The following PPP2R2B variants were observed in gnomAD, a reference collection of about 807,000 sequenced individuals.
The protein encoded by PPP2R2B is serine/threonine-protein phosphatase 2A 55 kDa regulatory subunit B beta isoform.
In PPP2R2B, 5 loss-of-function variants were observed where a neutral mutation model predicts 46.0. That is an observed-to-expected ratio of 0.11 (90% CI 0.06 to 0.23). PPP2R2B has a LOEUF of 0.23. Ranked by LOEUF, PPP2R2B falls within the 10% of genes least tolerant of loss-of-function variation. The pLI is 1.00. For missense variants in PPP2R2B, 367 were observed against 575.0 expected, an observed-to-expected ratio of 0.64 and a Z score of 3.70; for synonymous variants, 215 against 206.7, an observed-to-expected ratio of 1.04 and a Z score of -0.34.
At chr5:147,027,915 G>A (rs1403951740) in intron 1 of PPP2R2B, among the ~76,000 whole-genome samples, 1 of 152,170 alleles carries the variant, frequency 6.6e-6, no homozygotes, top group Non-Finnish European at 1.5e-5. Flanking sequence ...TGAGAGATAA[G>A]AGAAGTCCGT....
At chr5:146,981,636 A>G (rs1486620810) in intron 1 of PPP2R2B, among the ~76,000 whole-genome samples, 5 of 152,206 alleles carry the variant, frequency 3.3e-5, no homozygotes, top group Non-Finnish European at 7.3e-5. Flanking sequence ...TTGCAAAACT[A>G]TAATATACTA....
intron 2 of PPP2R2B, among the ~76,000 whole-genome samples, chr5:146,702,043 A>C (rs1183927378): frequency 1.4e-5 from 2 of 141,372 alleles, no homozygotes; most frequent in African/African-American, 5.5e-5. Flanking sequence ...TGCTACCAAG[A>C]GTGCAAATGA....
chr5:146,596,038 A>C (rs1020136865), intron 8 of PPP2R2B, among the ~76,000 whole-genome samples: 1 of 152,190 alleles, frequency 6.6e-6, no homozygotes, highest in Non-Finnish European at 1.5e-5. Flanking sequence ...CCGGATAGTA[A>C]ATATTTTAAG....
At chr5:146,848,476 T>G (rs2151379578) in intron 2 of PPP2R2B, among the ~76,000 whole-genome samples, 1 of 152,292 alleles carries the variant, frequency 6.6e-6, no homozygotes, top group South Asian at 2.1e-4. Context: ...CCTTTGATGA[T>G]CTTGACAGTT....
intron 2 of PPP2R2B, among the ~76,000 whole-genome samples, chr5:146,803,574 A>G (rs921436705): frequency 6.6e-6 from 1 of 152,196 alleles, no homozygotes; most frequent in Middle Eastern, 3.2e-3. Context: ...TATTCTAGCT[A>G]AGTCATGCAG....
At chr5:146,639,707 C>T (rs968718283) in intron 6 of PPP2R2B, among the ~76,000 whole-genome samples, 2 of 152,318 alleles carry the variant, frequency 1.3e-5, no homozygotes, top group South Asian at 4.1e-4. Context: ...ATCTGTGCAT[C>T]ATCAGATAGT....
At chr5:146,849,008 C>T (rs1189154871) in intron 2 of PPP2R2B, among the ~76,000 whole-genome samples, 1 of 152,154 alleles carries the variant, frequency 6.6e-6, no homozygotes, top group Non-Finnish European at 1.5e-5. Context: ...GTCCTTTTGA[C>T]ATACCTCCAT....
chr5:146,693,390 T>C (rs940648849), intron 4 of PPP2R2B, among the ~76,000 whole-genome samples: 1 of 152,076 alleles, frequency 6.6e-6, no homozygotes, highest in African/African-American at 2.4e-5. Context: ...AATTTTTCTA[T>C]TTTTTATAGA....
chr5:146,912,650 G>A (rs879266344), intron 1 of PPP2R2B, among the ~76,000 whole-genome samples: 33 of 151,792 alleles, frequency 2.2e-4, no homozygotes, highest in African/African-American at 3.4e-4. Flanking sequence ...GATTACAGGC[G>A]TGTGCCACCA....
At chr5:146,712,966 T>C (rs1780291800) in intron 2 of PPP2R2B, among the ~76,000 whole-genome samples, 1 of 152,216 alleles carries the variant, frequency 6.6e-6, no homozygotes, top group Admixed American at 6.5e-5. Context: ...CAATTAAAAA[T>C]AGATAAGATA....
chr5:146,649,414 ATTT>A (rs11372355), intron 6 of PPP2R2B, among the ~76,000 whole-genome samples: 2 of 145,324 alleles, frequency 1.4e-5, no homozygotes, highest in African/African-American at 5.0e-5. Flanking sequence ...GCTATTCAGC[ATTT>A]TTTTTTTTTA....
At chr5:146,869,611 A>G (rs1451002756) in intron 2 of PPP2R2B, among the ~76,000 whole-genome samples, 1 of 152,234 alleles carries the variant, frequency 6.6e-6, no homozygotes, top group Non-Finnish European at 1.5e-5. Context: ...AAATGTATGA[A>G]TAGAAAGATG....
At chr5:146,797,479 G>A (rs894546293) in intron 2 of PPP2R2B, among the ~76,000 whole-genome samples, 2 of 152,158 alleles carry the variant, frequency 1.3e-5, no homozygotes, top group South Asian at 2.1e-4. Flanking sequence ...TTAGCAGGAG[G>A]ATGATAACAC....
At chr5:147,062,000 AT>A (rs11302010) in intron 2 of PPP2R2B, among the ~76,000 whole-genome samples, 6,012 of 152,232 alleles carry the variant, frequency 0.039, 181 homozygotes, top group African/African-American at 0.081. Flanking sequence ...TGGAAACATG[AT>A]TTGATTTTAA....
chr5:146,694,412 A>T (rs1353857087), intron 4 of PPP2R2B, among the ~76,000 whole-genome samples: 2 of 152,064 alleles, frequency 1.3e-5, no homozygotes, highest in African/African-American at 2.4e-5. Context: ...TTAATACCAA[A>T]TTTTTTTTGT....
chr5:146,790,789 A>G (rs1394662933), intron 2 of PPP2R2B, among the ~76,000 whole-genome samples: 1 of 152,216 alleles, frequency 6.6e-6, no homozygotes, highest in South Asian at 2.1e-4. Context: ...GAAGCATTAT[A>G]TTATGATTGT....
At chr5:146,651,357 A>G (rs996019603) in intron 5 of PPP2R2B, among the ~76,000 whole-genome samples, 3 of 152,234 alleles carry the variant, frequency 2.0e-5, no homozygotes, top group African/African-American at 7.2e-5. Context: ...CCACTTTTAC[A>G]TGCAAAACTG....
At chr5:147,009,054 T>A (rs371380146) in intron 1 of PPP2R2B, among the ~76,000 whole-genome samples, 1 of 152,176 alleles carries the variant, frequency 6.6e-6, no homozygotes, top group Non-Finnish European at 1.5e-5. Flanking sequence ...CATTGCTGCA[T>A]TACTTTTAGA....
intron 1 of PPP2R2B, among the ~76,000 whole-genome samples, chr5:147,031,437 T>G (rs899240005): frequency 3.3e-5 from 5 of 151,700 alleles, no homozygotes; most frequent in African/African-American, 1.2e-4. Flanking sequence ...AAGATTTTGG[T>G]TTTCTTTTTA....
Sources: gnomAD v4.1 joint callset for allele counts (sites outside exome capture counted in the v4.1 genomes callset) on GRCh38, gnomAD v4.1.1 for gene constraint, MANE v1.5 for transcripts, NCBI Gene and HGNC (gene_info 2026-07-23, HGNC 2026-07-21) for gene names.